The following SCFD2 variants were observed in gnomAD, a reference collection of about 807,000 sequenced individuals.
SCFD2 encodes the protein sec1 family domain-containing protein 2.
A neutral mutation model predicts 58.9 loss-of-function variants in SCFD2; 54 were observed. The observed-to-expected ratio is 0.92, with a 90% CI of 0.74 to 1.15. The LOEUF is 1.15. Among genes scored for constraint, SCFD2 ranks in the 50% most tolerant of loss-of-function variants. The pLI, the probability that SCFD2 is intolerant of heterozygous loss-of-function variation, is 0.00. For synonymous variants in SCFD2, 321 were observed against 335.9 expected, an observed-to-expected ratio of 0.96 and a Z score of 0.49; for missense variants, 805 against 836.6, an observed-to-expected ratio of 0.96 and a Z score of 0.47.
chr4:53,184,573 T>C (rs1309263277), intron 4 of SCFD2, among the ~76,000 whole-genome samples: 1 of 152,150 alleles, frequency 6.6e-6, no homozygotes, highest in African/African-American at 2.4e-5. Flanking sequence ...TTATATCTAC[T>C]GTATTTTAGG....
chr4:53,351,788 A>G (rs1437293973), intron 2 of SCFD2, among the ~76,000 whole-genome samples: 2 of 152,242 alleles, frequency 1.3e-5, no homozygotes, highest in Admixed American at 1.3e-4. Context: ...TATCTACAAA[A>G]AGGCTAAAAA....
Position 52,952,702 on chromosome 4 carries a change from G to T in SCFD2, c.1562-31832C>A, listed in dbSNP as rs982818872. 3.5e-4 allele frequency among the ~76,000 whole-genome samples: 53 copies of T among 152,300 alleles called. 1 individual carries two copies. Among genetic ancestry groups the T allele is most frequent in the Admixed American group, 3.1e-3 (47 of 15,308 alleles). ...CTTTCTTTCCTGATACATATCTCATGATTTAGTGTGGAACAGAAAGGTTTA... is the reference window on the plus strand; with the variant it reads ...CTTTCTTTCCTGATACATATCTCATTATTTAGTGTGGAACAGAAAGGTTTA... On this transcript the variant is annotated intron_variant, in intron 5 of 8. Coordinates refer to ENST00000401642, the MANE Select transcript of SCFD2 (RefSeq NM_152540.4).
intron 4 of SCFD2, among the ~76,000 whole-genome samples, chr4:53,266,166 A>G (rs1730978919): frequency 6.6e-6 from 1 of 152,184 alleles, no homozygotes; most frequent in Non-Finnish European, 1.5e-5. Context: ...AACAGTAAAT[A>G]TAAAAAGATA....
chr4:53,061,192 A>G (rs1207155811), intron 5 of SCFD2, among the ~76,000 whole-genome samples: 1 of 152,172 alleles, frequency 6.6e-6, no homozygotes, highest in African/African-American at 2.4e-5. Flanking sequence ...CTGAACATCC[A>G]TTAGTGAAGA....
intron 5 of SCFD2, among the ~76,000 whole-genome samples, chr4:52,973,032 A>G (rs887598322): frequency 5.9e-5 from 9 of 152,230 alleles, no homozygotes; most frequent in African/African-American, 1.9e-4. Flanking sequence ...GTAGAGGGAA[A>G]TTTATAGCAC....
At chr4:53,275,465 G>A (rs1731299789) in intron 3 of SCFD2, among the ~76,000 whole-genome samples, 1 of 152,076 alleles carries the variant, frequency 6.6e-6, no homozygotes, top group African/African-American at 2.4e-5. Context: ...GCTTGCTCAA[G>A]TACTCATAGA....
At chr4:53,280,995 T>A (rs1439408606) in intron 3 of SCFD2, among the ~76,000 whole-genome samples, 15 of 152,148 alleles carry the variant, frequency 9.9e-5, no homozygotes, top group Non-Finnish European at 2.9e-5. Flanking sequence ...CAAGAGGAAT[T>A]GAGTACCCTA....
intron 5 of SCFD2, among the ~76,000 whole-genome samples, chr4:53,008,526 T>TAAC (rs1452576590): frequency 3.3e-5 from 5 of 152,120 alleles, no homozygotes; most frequent in African/African-American, 1.2e-4. Context: ...GTCCAATAAA[T>TAAC]AACAACAACA....
At chr4:53,265,212 C>T (rs1261723710) in intron 4 of SCFD2, among the ~76,000 whole-genome samples, 7 of 152,176 alleles carry the variant, frequency 4.6e-5, no homozygotes, top group African/African-American at 1.2e-4. Flanking sequence ...TGTTGGGCAG[C>T]GTTCAAGAAT....
chr4:53,227,099 T>G (rs1169673267), intron 4 of SCFD2, among the ~76,000 whole-genome samples: 2 of 152,196 alleles, frequency 1.3e-5, no homozygotes, highest in Non-Finnish European at 2.9e-5. Context: ...GGCCAGTATG[T>G]GTGACCTCTG....
chr4:53,108,498 AG>A (rs1725070581), intron 5 of SCFD2, among the ~76,000 whole-genome samples: 1 of 152,118 alleles, frequency 6.6e-6, no homozygotes, highest in Non-Finnish European at 1.5e-5. Flanking sequence ...AAAAGAGAGA[AG>A]AATCAAATAG....
chr4:53,155,237 C>T (rs1726640875), intron 4 of SCFD2, among the ~76,000 whole-genome samples: 1 of 152,152 alleles, frequency 6.6e-6, no homozygotes, highest in African/African-American at 2.4e-5. Context: ...AAAACTCAAG[C>T]TGAAATTTAA....
At chr4:52,943,269 A>C (rs1165974328) in intron 5 of SCFD2, among the ~76,000 whole-genome samples, 1 of 151,330 alleles carries the variant, frequency 6.6e-6, no homozygotes, top group Non-Finnish European at 1.5e-5. Context: ...ACAAAACAAA[A>C]ACCCTGTTAA....
At chr4:53,303,911 A>G (rs370487323) in intron 3 of SCFD2, among the ~76,000 whole-genome samples, 2 of 139,574 alleles carry the variant, frequency 1.4e-5, no homozygotes, top group Admixed American at 7.9e-5. Flanking sequence ...ATGAGAACAC[A>G]TGGACACAGG....
At chr4:53,341,060 C>A (rs1468564103) in intron 2 of SCFD2, among the ~76,000 whole-genome samples, 1 of 152,208 alleles carries the variant, frequency 6.6e-6, no homozygotes, top group Admixed American at 6.5e-5. Flanking sequence ...ACCTCTTCAC[C>A]TCCAAAGGAA....
At chr4:53,181,002 G>A (rs1727533024) in intron 4 of SCFD2, among the ~76,000 whole-genome samples, 2 of 152,140 alleles carry the variant, frequency 1.3e-5, no homozygotes, top group African/African-American at 2.4e-5. Flanking sequence ...TGAAATTGAG[G>A]CAATAATTAA....
rs1207849077 is a variant in SCFD2, at chr4:53,214,119, T to C, written c.1311+59707A>G. Among the ~76,000 whole-genome samples, 7 of 152,226 alleles carry C rather than the reference T, an allele frequency of 4.6e-5. No homozygotes were observed. In the South Asian group the frequency reaches 6.2e-4, roughly 14 times the overall value. On this transcript the variant is annotated intron_variant, in intron 4 of 8. Coordinates refer to ENST00000401642, the MANE Select transcript of SCFD2 (RefSeq NM_152540.4). ...TAAATAGTGCCACAGTAAACATACG[T>C]GTGCATGTGTCTTTATAGCAGCATG...
intron 5 of SCFD2, among the ~76,000 whole-genome samples, chr4:53,062,076 T>C (rs576909615): frequency 6.6e-6 from 1 of 151,766 alleles, no homozygotes; most frequent in East Asian, 1.9e-4. Context: ...TGTAACATAA[T>C]AATAGTAATA....
intron 5 of SCFD2, among the ~76,000 whole-genome samples, chr4:52,978,101 G>C (rs1370645865): frequency 6.6e-6 from 1 of 152,206 alleles, no homozygotes; most frequent in East Asian, 1.9e-4. Context: ...GAAAGTGCTT[G>C]TTAATTACTT....
Sources: allele counts gnomAD v4.1 joint callset (sites outside exome capture counted in the v4.1 genomes callset), GRCh38; gene constraint gnomAD v4.1.1; transcripts MANE v1.5; gene names NCBI Gene and HGNC (gene_info 2026-07-23, HGNC 2026-07-21).